The following SNX29 variants were observed in gnomAD, a reference collection of about 807,000 sequenced individuals.
SNX29 encodes the protein sorting nexin-29.
A neutral mutation model predicts 102.1 loss-of-function variants in SNX29; 78 were observed. That is an observed-to-expected ratio of 0.76 (90% CI 0.64 to 0.92). The LOEUF is 0.92. Among genes scored for constraint, SNX29 ranks in the 40% least tolerant of loss-of-function variants. The pLI, the probability that SNX29 is intolerant of heterozygous loss-of-function variation, is 0.00. For missense variants in SNX29, 1,280 were observed against 1,061.7 expected, an observed-to-expected ratio of 1.21 and a Z score of -2.86; for synonymous variants, 580 against 414.5, an observed-to-expected ratio of 1.40 and a Z score of -4.85.
At position 12,096,206 on chromosome 16, in the gene SNX29, A is replaced by G. The variant is rs1225888217; in HGVS notation, c.1402+17291A>G. Reference sequence around the variant, plus strand: ...CTGGGCATCTTTCTTTAAAGGGGAAACTTCCCACTGAATTTTGTGTATTAG... The same window carrying G: ...CTGGGCATCTTTCTTTAAAGGGGAAGCTTCCCACTGAATTTTGTGTATTAG... On this transcript the variant is annotated intron_variant, in intron 11 of 20. Transcript: ENST00000566228. The surrounding 1 kb of genome is among the most constrained non-coding windows in gnomAD (Gnocchi z 4.2). 6.6e-6 allele frequency among the ~76,000 whole-genome samples: 1 copy of G among 152,192 alleles called. No homozygotes were observed. The highest frequency in any genetic ancestry group is 1.5e-5 in the Non-Finnish European group (1 of 68,032).
rs533563403 is a variant in SNX29 at position 12,364,541 on chromosome 16, A to T, written c.1899+8262A>T. Among the ~76,000 whole-genome samples, 61 of 152,072 alleles carry T rather than the reference A, an allele frequency of 4.0e-4. 1 individual carries two copies. Among genetic ancestry groups the T allele is most frequent in the Non-Finnish European group, 1.2e-4 (8 of 68,034 alleles). Reference sequence around the variant, plus strand: ...CGGGATTTGATTACACTCTGGGAGAAGAGCTCCCGGTTTGAGTAAGAAATG... The same window carrying T: ...CGGGATTTGATTACACTCTGGGAGATGAGCTCCCGGTTTGAGTAAGAAATG... On this transcript the variant is annotated intron_variant, in intron 16 of 20. Transcript: ENST00000566228.
chr16:12,263,802 A>T (rs1228995872), intron 14 of SNX29, among the ~76,000 whole-genome samples: 1 of 152,224 alleles, frequency 6.6e-6, no homozygotes, highest in African/African-American at 2.4e-5. Flanking sequence ...AGTCAGGCTC[A>T]AGTGAGGTAT....
At chr16:12,561,322 C>G (rs759373115) in intron 20 of SNX29, among the ~76,000 whole-genome samples, 14 of 152,106 alleles carry the variant, frequency 9.2e-5, no homozygotes, top group Non-Finnish European at 1.8e-4. Context: ...GGAGGCAGAA[C>G]TGGGTTTTCA....
At chr16:12,345,323 C>T (rs1233805143) in intron 15 of SNX29, among the ~76,000 whole-genome samples, 1 of 152,208 alleles carries the variant, frequency 6.6e-6, no homozygotes, top group Non-Finnish European at 1.5e-5. Context: ...GTTCTAGTCC[C>T]TGTGGGCCTC....
At chr16:12,488,552 T>C (rs2088371064) in intron 19 of SNX29, among the ~76,000 whole-genome samples, 1 of 152,196 alleles carries the variant, frequency 6.6e-6, no homozygotes, top group Non-Finnish European at 1.5e-5. Context: ...GAGTCGAACC[T>C]GTTTGTTGAA....
At chr16:11,980,790 G>A (rs191100545) in intron 1 of SNX29, among the ~76,000 whole-genome samples, 1 of 152,108 alleles carries the variant, frequency 6.6e-6, no homozygotes, top group Non-Finnish European at 1.5e-5. Context: ...GACCAATTGT[G>A]TATCCTCCTT....
chr16:12,094,972 C>A (rs1029136986), intron 11 of SNX29: 1 of 152,034 alleles, frequency 6.6e-6, no homozygotes. Context: ...TGTGTGTGCG[C>A]ATGCATGTGT....
chr16:12,367,867 T>C (rs1032548016), intron 16 of SNX29, among the ~76,000 whole-genome samples: 1 of 152,214 alleles, frequency 6.6e-6, no homozygotes, highest in South Asian at 2.1e-4. Context: ...ACTAAAAATA[T>C]ATCTCACATA....
chr16:12,528,060 C>T (rs1004659105), intron 20 of SNX29, among the ~76,000 whole-genome samples: 5 of 151,990 alleles, frequency 3.3e-5, no homozygotes, highest in Non-Finnish European at 5.9e-5. Context: ...CTCCTGACCC[C>T]GTTATTCCCC....
At chr16:12,222,346 G>C (rs1379648106) in intron 14 of SNX29, among the ~76,000 whole-genome samples, 1 of 152,198 alleles carries the variant, frequency 6.6e-6, no homozygotes, top group African/African-American at 2.4e-5. Context: ...ATTGATGTCA[G>C]CCCATCCTCT....
intron 16 of SNX29, among the ~76,000 whole-genome samples, chr16:12,379,681 G>A (rs73508077): frequency 8.1e-4 from 123 of 152,308 alleles, no homozygotes; most frequent in African/African-American, 2.8e-3. Flanking sequence ...GAACTTTGTT[G>A]TTTATTGCTT....
intron 18 of SNX29, among the ~76,000 whole-genome samples, chr16:12,411,049 G>A (rs1305646735): frequency 1.3e-5 from 2 of 152,178 alleles, no homozygotes; most frequent in Admixed American, 1.3e-4. Flanking sequence ...TGAAATGGTT[G>A]GACCGAGTAC....
intron 4 of SNX29, among the ~76,000 whole-genome samples, chr16:12,041,088 T>G (rs1489195750): frequency 6.6e-6 from 1 of 152,138 alleles, no homozygotes; most frequent in Non-Finnish European, 1.5e-5. Context: ...ATTACAGGGG[T>G]GAGCTACCGC....
At chr16:12,535,598 C>G (rs991574882) in intron 20 of SNX29, among the ~76,000 whole-genome samples, 8 of 151,938 alleles carry the variant, frequency 5.3e-5, no homozygotes, top group African/African-American at 1.7e-4. Context: ...TGGCAAGCCT[C>G]TACCCTTTGT....
intron 20 of SNX29, among the ~76,000 whole-genome samples, chr16:12,538,538 T>C (rs1296214545): frequency 2.6e-5 from 4 of 152,144 alleles, no homozygotes; most frequent in African/African-American, 9.7e-5. Context: ...ATGCGTGAGG[T>C]GATGGGCTAG....
At chr16:12,544,516 TG>T (rs1382361338) in intron 20 of SNX29, among the ~76,000 whole-genome samples, 8 of 152,270 alleles carry the variant, frequency 5.3e-5, no homozygotes, top group East Asian at 1.9e-4. Context: ...CATTTTTCTG[TG>T]GGGAATTGTG....
chr16:12,561,353 TTA>T (rs1175557526), intron 20 of SNX29, among the ~76,000 whole-genome samples: 1 of 152,078 alleles, frequency 6.6e-6, no homozygotes, highest in Non-Finnish European at 1.5e-5. Context: ...ACTCACAGAC[TTA>T]TGAGGGAGCT....
At chr16:12,051,663 C>T (rs773111923) in intron 7 of SNX29, among the ~76,000 whole-genome samples, 184 bp from the exon 8 acceptor site, 1 of 152,214 alleles carries the variant, frequency 6.6e-6, no homozygotes, top group Non-Finnish European at 1.5e-5. Context: ...CAGAGGCCTG[C>T]GTCCATTCTG....
intron 14 of SNX29, among the ~76,000 whole-genome samples, chr16:12,207,060 A>G (rs1340441578): frequency 2.0e-5 from 3 of 152,016 alleles, no homozygotes; most frequent in Admixed American, 1.3e-4. Context: ...TCATGTAGGT[A>G]CCATTGAGTT....
Sources: gnomAD v4.1 joint callset for allele counts (sites outside exome capture counted in the v4.1 genomes callset) on GRCh38, gnomAD v4.1.1 for gene constraint, Gnocchi (gnomAD v3.1) non-coding constraint, MANE v1.5 for transcripts, NCBI Gene and HGNC (gene_info 2026-07-23, HGNC 2026-07-21) for gene names.